Variants in SMURF2 observed in about 807,000 individuals in gnomAD.
The protein encoded by SMURF2 is E3 ubiquitin-protein ligase SMURF2.
A neutral mutation model predicts 109.6 loss-of-function variants in SMURF2; 48 were observed. The ratio of observed to expected loss-of-function variants is 0.44; its 90% confidence interval spans 0.35 to 0.56. The LOEUF is 0.56. SMURF2 is among the 20% of genes least tolerant of loss of function. The pLI, the probability that SMURF2 is intolerant of heterozygous loss-of-function variation, is 0.01. For synonymous variants in SMURF2, 288 were observed against 317.1 expected (o/e 0.91, Z 0.97); for missense variants, 575 against 909.0 (o/e 0.63, Z 4.72).
intron 1 of SMURF2, among the ~76,000 whole-genome samples, chr17:64,634,133 G>A (rs903691220): frequency 2.6e-5 from 4 of 152,196 alleles, no homozygotes; most frequent in Non-Finnish European, 5.9e-5. Flanking sequence ...CAGCCTGGGC[G>A]ACAGTGAGAC....
intron 1 of SMURF2, among the ~76,000 whole-genome samples, chr17:64,643,172 G>A (rs927595988): frequency 3.9e-5 from 6 of 151,986 alleles, no homozygotes; most frequent in African/African-American, 9.7e-5. Context: ...TCACAGGCAC[G>A]TCACCATACC....
At chr17:64,627,019 CTGAG>C (rs1266127951) in intron 1 of SMURF2, among the ~76,000 whole-genome samples, 3 of 151,098 alleles carry the variant, frequency 2.0e-5, no homozygotes, top group Non-Finnish European at 2.9e-5. Context: ...GCAACTGATA[CTGAG>C]TGAGGACAAG....
At chr17:64,572,208 TAC>T (rs1263583928) in intron 9 of SMURF2, among the ~76,000 whole-genome samples, 1 of 152,218 alleles carries the variant, frequency 6.6e-6, no homozygotes, top group Admixed American at 6.5e-5. Context: ...TTTAATGTAA[TAC>T]AGATTTAAAT....
intron 8 of SMURF2, among the ~76,000 whole-genome samples, chr17:64,580,104 G>C (rs965852879): frequency 6.6e-6 from 1 of 152,118 alleles, no homozygotes; most frequent in Non-Finnish European, 1.5e-5. Context: ...CTGTTAAGAG[G>C]GCAAAGATGT....
rs1555683060 is a variant in SMURF2 at position 64,545,905 on chromosome 17, C to T, written c.2190G>A (p.Lys730=). The T allele has an allele frequency of 6.2e-7, 1 of 1,612,320 alleles. No homozygotes were observed. The change falls in exon 19 of 19, where the codon AAG becomes AAA. Residue 730 remains lysine (K), a synonymous_variant. Transcript: ENST00000262435. ...TGGCTGTTAGCAGCTTTTCATATAG[C>T]TTTTCATAGCTTTCATAGGGTGGAA... ...IDIPPYESYE[K]LYEKLLTAIE...
intron 1 of SMURF2, among the ~76,000 whole-genome samples, chr17:64,640,755 C>T (rs573386346): frequency 1.3e-5 from 2 of 151,786 alleles, no homozygotes; most frequent in Non-Finnish European, 2.9e-5. Flanking sequence ...CCCGTCTGTA[C>T]TAAAAATACA....
In SMURF2 at chr17:64,545,408, G is replaced by A. The variant is rs2144579540; in HGVS notation, c.*440C>T. The stretch of plus-strand genomic sequence containing the variant: ...TTTACAAAGAGCAAGTACAGGAGCT[G>A]TTCAAGATCATGTATTCAATCAAAA... On this transcript the variant is annotated 3_prime_UTR_variant, in exon 19 of 19. Coordinates refer to ENST00000262435, the MANE Select transcript of SMURF2 (RefSeq NM_022739.4). 1 of 153,732 alleles carries A rather than the reference G, an allele frequency of 6.5e-6. No individual in the cohort carries two copies. The highest frequency in any genetic ancestry group is 1.9e-4 in the East Asian group (1 of 5,208). 9.5% of individuals were successfully genotyped at this position (153,732 alleles called of 1,614,324 possible).
intron 5 of SMURF2, 60 bp downstream of exon 5, chr17:64,591,024 A>T: frequency 8.0e-7 from 1 of 1,243,934 alleles, no homozygotes; most frequent in Non-Finnish European, 1.2e-6. Flanking sequence ...TTTAAAAGGT[A>T]TTTTACACTT....
intron 16 of SMURF2, among the ~76,000 whole-genome samples, chr17:64,548,262 C>A (rs782153520): frequency 1.5e-4 from 23 of 152,128 alleles, no homozygotes; most frequent in Non-Finnish European, 4.4e-5. Context: ...TGATTGAGGG[C>A]AATTCAATCA....
At chr17:64,658,843 C>G (rs1282994767) in intron 1 of SMURF2, among the ~76,000 whole-genome samples, 1 of 152,068 alleles carries the variant, frequency 6.6e-6, no homozygotes, top group African/African-American at 2.4e-5. Context: ...ATTTTGTAAT[C>G]AATGTTATAG....
intron 1 of SMURF2, among the ~76,000 whole-genome samples, chr17:64,642,676 A>G (rs1970506669): frequency 6.6e-6 from 1 of 152,192 alleles, no homozygotes; most frequent in Non-Finnish European, 1.5e-5. Flanking sequence ...TAATTAACAC[A>G]TATCTATTAA....
intron 1 of SMURF2, among the ~76,000 whole-genome samples, chr17:64,620,722 A>C (rs1293193705): frequency 6.6e-6 from 1 of 152,060 alleles, no homozygotes; most frequent in Non-Finnish European, 1.5e-5. Context: ...TTGCTTGTTA[A>C]AGTTATTCAT....
intron 8 of SMURF2, 23 bp from the exon 9 acceptor site, chr17:64,578,599 T>TA: frequency 6.6e-7 from 1 of 1,522,678 alleles, no homozygotes; most frequent in Non-Finnish European, 9.1e-7. Flanking sequence ...TAAACACTGA[T>TA]AACAAAAACA....
At chr17:64,643,304 T>C (rs1315562994) in intron 1 of SMURF2, among the ~76,000 whole-genome samples, 7 of 152,286 alleles carry the variant, frequency 4.6e-5, no homozygotes, top group African/African-American at 1.7e-4. Context: ...ATTACAGGCA[T>C]GAGCCACTGC....
Position 64,542,834 on chromosome 17 carries a change from C to T in SMURF2, c.*3014G>A, listed in dbSNP as rs538830036. 1.3e-5 allele frequency: 2 copies of T among 152,244 alleles called. No individual in the cohort carries two copies. Among genetic ancestry groups the T allele is most frequent in the Middle Eastern group, 6.8e-3 (2 of 294 alleles). 9.4% of individuals were successfully genotyped at this position (152,244 alleles called of 1,614,324 possible). On this transcript the variant is annotated 3_prime_UTR_variant, in exon 19 of 19. Transcript: ENST00000262435. ...AAGAAAAAAAGGCTTGGTAAAAAAC[C>T]CATTCGGGGCAACAAACTATGTGCA...
At chr17:64,572,382 T>A (rs931988106) in intron 9 of SMURF2, among the ~76,000 whole-genome samples, 1 of 152,206 alleles carries the variant, frequency 6.6e-6, no homozygotes, top group Non-Finnish European at 1.5e-5. Flanking sequence ...AAATGTCCAT[T>A]CCATAATTTT....
At chr17:64,625,445 T>C (rs896881504) in intron 1 of SMURF2, among the ~76,000 whole-genome samples, 1 of 152,226 alleles carries the variant, frequency 6.6e-6, no homozygotes, top group Non-Finnish European at 1.5e-5. Context: ...AAATGACATG[T>C]GTTCAAAAAA....
At chr17:64,562,005 A>T (rs1555684550) in intron 11 of SMURF2, among the ~76,000 whole-genome samples, 1 of 149,486 alleles carries the variant, frequency 6.7e-6, no homozygotes, top group Non-Finnish European at 1.5e-5. Flanking sequence ...GTCTCTTTTT[A>T]AAAAAGAGGC....
chr17:64,608,592 A>C (rs1970003384), intron 1 of SMURF2, among the ~76,000 whole-genome samples: 1 of 152,220 alleles, frequency 6.6e-6, no homozygotes, highest in Non-Finnish European at 1.5e-5. Flanking sequence ...CTTCAGTTTT[A>C]ATGAGGTAAT....
Sources: gnomAD v4.1 joint callset for allele counts (sites outside exome capture counted in the v4.1 genomes callset) on GRCh38, gnomAD v4.1.1 for gene constraint, MANE v1.5 for transcripts, NCBI Gene and HGNC (gene_info 2026-07-23, HGNC 2026-07-21) for gene names.